ZNF317: variants seen among roughly 807,000 people sequenced by gnomAD.
The protein encoded by ZNF317 is KRAB-containing zinc finger protein 317.
ZNF317 carries 17 observed loss-of-function variants against 23.4 expected under a neutral mutation model. That is an observed-to-expected ratio of 0.73 (90% CI 0.50 to 1.09). ZNF317 has a LOEUF of 1.09. Among genes scored for constraint, ZNF317 ranks in the 50% least tolerant of loss-of-function variants. ZNF317 has a pLI of 0.00. For synonymous variants in ZNF317, 317 were observed against 314.9 expected, an observed-to-expected ratio of 1.01 and a Z score of -0.07; for missense variants, 679 against 796.7, an observed-to-expected ratio of 0.85 and a Z score of 1.78.
intron 1 of ZNF317, 25 bp downstream of exon 1, chr19:9,140,617 T>C: frequency 2.2e-6 from 1 of 455,306 alleles, no homozygotes; most frequent in South Asian, 1.6e-5. Flanking sequence ...CCTTAACCCT[T>C]CTCCCCCTCA....
chr19:9,142,988 A>C (rs960420939), intron 1 of ZNF317, among the ~76,000 whole-genome samples: 1 of 152,198 alleles, frequency 6.6e-6, no homozygotes, highest in African/African-American at 2.4e-5. Flanking sequence ...TTTGTTCCTT[A>C]GAACGGGAGT....
rs79077891 is a variant in ZNF317, at chr19:9,161,437, C to T, written c.*4C>T. The T allele has an allele frequency of 6.0e-4, 962 of 1,605,910 alleles. 5 individuals are homozygous for T. In the African/African-American group the frequency reaches 9.8e-3, roughly 16 times the overall value. On this transcript the variant is annotated 3_prime_UTR_variant, in exon 7 of 7. Transcript: ENST00000247956. The surrounding 1 kb of genome is among the most constrained non-coding windows in gnomAD (Gnocchi z 4.0). The stretch of plus-strand genomic sequence containing the variant: ...CGTGTGGAAAAGGCTCCAGTGAGCG[C>T]GCCTGCTTTAGAGACACAGGATGAT...
chr19:9,147,747 A>G lies in ZNF317; in HGVS notation c.-93+7155A>G, dbSNP rs374495143. On this transcript the variant is annotated intron_variant, in intron 1 of 6. Coordinates refer to ENST00000247956, the MANE Select transcript of ZNF317 (RefSeq NM_020933.5). ...GCTCCACATCCTGCTGGGGTCGCTT[A>G]GATGCTGAAATCTTCCTGCTTTATT... 9.2e-5 allele frequency among the ~76,000 whole-genome samples: 14 copies of G among 152,298 alleles called. No homozygotes were observed. In the East Asian group the frequency reaches 2.5e-3, roughly 27 times the overall value.
chr19:9,147,378 C>G (rs982912208), intron 1 of ZNF317, among the ~76,000 whole-genome samples: 1 of 129,084 alleles, frequency 7.7e-6, no homozygotes, highest in Non-Finnish European at 1.6e-5. Context: ...CTCGCTCTGT[C>G]GCCCAGGCTG....
At chr19:9,154,765 C>A (rs1036169154) in intron 1 of ZNF317, among the ~76,000 whole-genome samples, 12 of 152,170 alleles carry the variant, frequency 7.9e-5, no homozygotes, top group Non-Finnish European at 1.8e-4. Flanking sequence ...ATCAGATAGT[C>A]AGTGTGCTTG....
rs887962362 is a variant in ZNF317, at chr19:9,161,335, G to A, written c.1690G>A (p.Gly564Arg). The A allele has an allele frequency of 9.3e-6, 15 of 1,614,068 alleles. No homozygotes were observed. Among genetic ancestry groups the A allele is most frequent in the Non-Finnish European group, 1.1e-5 (13 of 1,180,052 alleles). ...GAAGCCCTACGAATGCCTTGTCTGC[G>A]GGAAAGCCTTCAGCGACCACTCATC... ...GEKPYECLVC[G>R]KAFSDHSSLR... The change falls in exon 7 of 7, where the codon GGG (glycine) becomes AGG (arginine). Residue 564 changes from glycine to arginine, a missense_variant. Transcript: ENST00000247956. The surrounding 1 kb of genome is among the most constrained non-coding windows in gnomAD (Gnocchi z 4.0).
intron 1 of ZNF317, among the ~76,000 whole-genome samples, chr19:9,141,275 T>TAC (rs371848615): frequency 6.6e-6 from 1 of 152,030 alleles, no homozygotes; most frequent in South Asian, 2.1e-4. Flanking sequence ...AAAGTATGAT[T>TAC]ACACACACAC....
intron 1 of ZNF317, among the ~76,000 whole-genome samples, chr19:9,141,075 G>A (rs1441943911): frequency 7.1e-6 from 1 of 141,254 alleles, no homozygotes; most frequent in Non-Finnish European, 1.5e-5. Flanking sequence ...TTTAATTTTA[G>A]TGGACTCTTG....
chr19:9,149,458 C>G (rs917542355), intron 1 of ZNF317, among the ~76,000 whole-genome samples: 1 of 151,934 alleles, frequency 6.6e-6, no homozygotes, highest in African/African-American at 2.4e-5. Flanking sequence ...GGTGACAGAG[C>G]GAGACTCCAT....
intron 1 of ZNF317, among the ~76,000 whole-genome samples, chr19:9,146,216 G>A (rs1038275629): frequency 6.6e-6 from 1 of 151,464 alleles, no homozygotes; most frequent in African/African-American, 2.4e-5. Flanking sequence ...GGTTTAATTG[G>A]GGCACCTAGG....
Position 9,160,473 on chromosome 19 carries a change from G to A in ZNF317, c.828G>A (p.Lys276=). Reference sequence around the variant, plus strand: ...ACGCAAGAACTCACCTCAAAGAGAAGCCCTTTGACTGCAGTCAGTGTGGAA... The same window carrying A: ...ACGCAAGAACTCACCTCAAAGAGAAACCCTTTGACTGCAGTCAGTGTGGAA... ...RSHARTHLKE[K]PFDCSQCGNA... Residue 276 remains lysine, a synonymous_variant, in exon 7 of 7, where the codon AAG becomes AAA. Coordinates refer to ENST00000247956, the MANE Select transcript of ZNF317 (RefSeq NM_020933.5). This position sits in a 1 kb window ranked among gnomAD's most constrained non-coding sequence, Gnocchi z 6.8. The A allele has an allele frequency of 6.2e-7, 1 of 1,614,092 alleles. No homozygotes were observed.
At chr19:9,142,005 C>A (rs1231432787) in intron 1 of ZNF317, among the ~76,000 whole-genome samples, 2 of 152,200 alleles carry the variant, frequency 1.3e-5, no homozygotes, top group Non-Finnish European at 2.9e-5. Flanking sequence ...GGGGTTTCAA[C>A]ATGTTGGCCA....
intron 5 of ZNF317, among the ~76,000 whole-genome samples, chr19:9,158,327 A>C (rs1437936441): frequency 7.4e-6 from 1 of 134,744 alleles, no homozygotes; most frequent in Non-Finnish European, 1.6e-5. Context: ...TTCTGTCATT[A>C]TCAACATCAT....
chr19:9,150,249 C>T (rs1228125155), intron 1 of ZNF317, among the ~76,000 whole-genome samples: 1 of 152,164 alleles, frequency 6.6e-6, no homozygotes, highest in South Asian at 2.1e-4. Context: ...ATGAACAATT[C>T]TGTTAAGTAA....
chr19:9,144,400 C>T (rs1657330539), intron 1 of ZNF317, among the ~76,000 whole-genome samples: 1 of 152,166 alleles, frequency 6.6e-6, no homozygotes, highest in Non-Finnish European at 1.5e-5. Context: ...AGCATTTATT[C>T]TGTTAGCATC....
Position 9,163,281 on chromosome 19 carries a change from TA to T in ZNF317, c.*1850del, listed in dbSNP as rs1462984320. The T allele has an allele frequency of 6.6e-6, 1 of 152,220 alleles. No individual in the cohort carries two copies. Among genetic ancestry groups the T allele is most frequent in the Non-Finnish European group, 1.5e-5 (1 of 68,050 alleles). The allele number at this position is 152,220 out of a possible 1,614,324, so 9.4% of individuals were successfully genotyped here. Reference sequence around the variant, plus strand: ...GACCGTGCATATGAAAACCACAGTCTAAGGAAGTGACTGCAGAAAGCTCACA... The same window carrying T: ...GACCGTGCATATGAAAACCACAGTCTAGGAAGTGACTGCAGAAAGCTCACA... On this transcript the variant is annotated 3_prime_UTR_variant, in exon 7 of 7. Transcript: ENST00000247956.
At chr19:9,157,776 C>T (rs1320636747) in intron 4 of ZNF317, 1 of 1,330,938 alleles carries the variant, frequency 7.5e-7, no homozygotes, top group Non-Finnish European at 9.6e-7. Context: ...CACGAGCCAC[C>T]ATGCTTTGCC....
At chr19:9,147,244 A>G (rs2050691514) in intron 1 of ZNF317, among the ~76,000 whole-genome samples, 1 of 152,158 alleles carries the variant, frequency 6.6e-6, no homozygotes, top group Admixed American at 6.5e-5. Context: ...AGAAAATTAA[A>G]AGAGAAATTA....
chr19:9,155,135 G>A (rs1203359230), intron 1 of ZNF317, among the ~76,000 whole-genome samples: 1 of 151,872 alleles, frequency 6.6e-6, no homozygotes, highest in East Asian at 1.9e-4. Flanking sequence ...TCTTTTTCAG[G>A]TGTATGCATT....
Sources: gnomAD v4.1 joint callset for allele counts (sites outside exome capture counted in the v4.1 genomes callset) on GRCh38, gnomAD v4.1.1 for gene constraint, Gnocchi (gnomAD v3.1) non-coding constraint, MANE v1.5 for transcripts, NCBI Gene and HGNC (gene_info 2026-07-23, HGNC 2026-07-21) for gene names.